The following IGSF10 variants were observed in gnomAD, a reference collection of about 807,000 sequenced individuals.
IGSF10 encodes the protein calvaria mechanical force protein 608.
IGSF10 carries 126 observed loss-of-function variants against 128.2 expected under a neutral mutation model. The observed-to-expected ratio is 0.98, with a 90% CI of 0.85 to 1.14. IGSF10 has a LOEUF of 1.14. IGSF10 is among the 50% of genes most tolerant of loss of function. IGSF10 has a pLI of 0.00. For synonymous variants in IGSF10, 1,185 were observed against 1,146.2 expected, an observed-to-expected ratio of 1.03 and a Z score of -0.68; for missense variants, 3,295 against 3,149.8, an observed-to-expected ratio of 1.05 and a Z score of -1.10.
the IGSF10 span, among the ~76,000 whole-genome samples, chr3:151,519,756 T>C: frequency 6.6e-6 from 1 of 151,850 alleles, no homozygotes; most frequent in African/African-American, 2.4e-5. Context: ...TGATTGCTAC[T>C]GTACTGTGAA....
the IGSF10 span, among the ~76,000 whole-genome samples, chr3:151,552,420 G>A: frequency 8.5e-5 from 13 of 152,166 alleles, no homozygotes; most frequent in African/African-American, 1.9e-4. Context: ...CCAGCAAACC[G>A]AGAAGATGAC....
chr3:151,563,548 T>C, the IGSF10 span, among the ~76,000 whole-genome samples: 1 of 152,128 alleles, frequency 6.6e-6, no homozygotes, highest in African/African-American at 2.4e-5. Flanking sequence ...AGATACTCAA[T>C]TGTCCCTGAC....
At chr3:151,544,462 G>A in the IGSF10 span, among the ~76,000 whole-genome samples, 1 of 152,166 alleles carries the variant, frequency 6.6e-6, no homozygotes, top group African/African-American at 2.4e-5. Flanking sequence ...TGGAATGTTT[G>A]AAAATATATA....
chr3:151,453,404 TCAGA>T lies in IGSF10; in HGVS notation c.691_694del (p.Ser231ThrfsTer9), dbSNP rs765332645. 11 of 1,600,926 alleles carry T rather than the reference TCAGA, an allele frequency of 6.9e-6. No homozygotes were observed. In the Admixed American group the frequency reaches 1.8e-4, roughly 26 times the overall value. ...GATACCTGGCTTCTCCTGTATCCAG[TCAGA>T]CAACCACTTTAAATGGCAATCACAG... On this transcript the variant is annotated frameshift_variant, in exon 5 of 8. Transcript: ENST00000282466. LOFTEE classifies it high-confidence loss of function.
chr3:151,578,463 T>C, the IGSF10 span, among the ~76,000 whole-genome samples: 1 of 152,248 alleles, frequency 6.6e-6, no homozygotes, highest in Non-Finnish European at 1.5e-5. Flanking sequence ...AGCCATAGTT[T>C]ACTGACTTCT....
At chr3:151,616,257 G>A in the IGSF10 span, among the ~76,000 whole-genome samples, 4 of 152,180 alleles carry the variant, frequency 2.6e-5, no homozygotes, top group South Asian at 2.1e-4. Context: ...ATGAGCCACC[G>A]TGCCTGGCAC....
chr3:151,455,123 T>TA (rs1030111385), intron 4 of IGSF10, among the ~76,000 whole-genome samples: 44 of 152,150 alleles, frequency 2.9e-4, no homozygotes, highest in African/African-American at 9.9e-4. Context: ...TTTGTTTTTT[T>TA]TTTTGAGATG....
At chr3:151,463,558 TTTTC>T (rs1309644249), upstream of IGSF10, among the ~76,000 whole-genome samples, 5 of 114,340 alleles carry the variant, frequency 4.4e-5, no homozygotes, top group African/African-American at 1.5e-4. Context: ...TTTTTTTTTT[TTTTC>T]TGAGACGGAG....
the IGSF10 span, among the ~76,000 whole-genome samples, chr3:151,503,499 T>TTTGTCTC: frequency 6.6e-6 from 1 of 152,220 alleles, no homozygotes; most frequent in South Asian, 2.1e-4. Flanking sequence ...ATAGATAGCC[T>TTTGTCTC]TAACAGATTA....
chr3:151,488,770 T>C, the IGSF10 span, among the ~76,000 whole-genome samples: 1 of 152,204 alleles, frequency 6.6e-6, no homozygotes, highest in Non-Finnish European at 1.5e-5. Flanking sequence ...TGGCTTGCCA[T>C]ATGGAGAAAG....
At chr3:151,457,846 A>G (rs1156584324) in intron 3 of IGSF10, among the ~76,000 whole-genome samples, 1 of 152,164 alleles carries the variant, frequency 6.6e-6, no homozygotes, top group African/African-American at 2.4e-5. Flanking sequence ...TATTAATTGT[A>G]CTGACCGTAC....
At chr3:151,493,769 G>T in the IGSF10 span, among the ~76,000 whole-genome samples, 1 of 151,950 alleles carries the variant, frequency 6.6e-6, no homozygotes, top group Non-Finnish European at 1.5e-5. Context: ...GACTGTATAT[G>T]TATCCCATAA....
chr3:151,459,408 T>C (rs976437944), intron 2 of IGSF10, among the ~76,000 whole-genome samples: 3 of 152,174 alleles, frequency 2.0e-5, no homozygotes, highest in African/African-American at 7.2e-5. Context: ...GAAGGGAGAA[T>C]AAATCTCTTT....
the IGSF10 span, among the ~76,000 whole-genome samples, chr3:151,530,682 C>G: frequency 6.6e-6 from 1 of 152,110 alleles, no homozygotes. Flanking sequence ...TTTGTCCCCA[C>G]CAGGCCTGCC....
At chr3:151,617,037 T>C in the IGSF10 span, among the ~76,000 whole-genome samples, 4 of 152,120 alleles carry the variant, frequency 2.6e-5, no homozygotes, top group African/African-American at 9.7e-5. Flanking sequence ...ATGCTGGAAA[T>C]GGAGTCAAAG....
At chr3:151,606,889 T>C in the IGSF10 span, among the ~76,000 whole-genome samples, 3 of 152,200 alleles carry the variant, frequency 2.0e-5, no homozygotes, top group African/African-American at 7.2e-5. Flanking sequence ...GCACCTTGAC[T>C]AAGACAGTTT....
chr3:151,614,931 G>T, the IGSF10 span, among the ~76,000 whole-genome samples: 6 of 150,966 alleles, frequency 4.0e-5, no homozygotes, highest in African/African-American at 1.5e-4. Context: ...TAATAATTAT[G>T]GTGATATCAA....
chr3:151,587,295 C>A, the IGSF10 span, among the ~76,000 whole-genome samples: 24 of 152,284 alleles, frequency 1.6e-4, no homozygotes, highest in Non-Finnish European at 2.8e-4. Flanking sequence ...GAATTCACCT[C>A]TGAAAACCAT....
At chr3:151,484,064 A>T in the IGSF10 span, among the ~76,000 whole-genome samples, 2 of 152,178 alleles carry the variant, frequency 1.3e-5, no homozygotes, top group Non-Finnish European at 2.9e-5. Context: ...TGAAATTCTC[A>T]TGCCAGCACA....
Sources: allele counts gnomAD v4.1 joint callset (sites outside exome capture counted in the v4.1 genomes callset), GRCh38; gene constraint gnomAD v4.1.1; transcripts MANE v1.5; gene names NCBI Gene and HGNC (gene_info 2026-07-23, HGNC 2026-07-21).